The following MCPH1 variants were observed in gnomAD, a reference collection of about 807,000 sequenced individuals.
MCPH1 encodes microcephalin 1, also known as microcephalin.
Under a neutral mutation model 84.5 loss-of-function variants are expected in MCPH1, and 104 were observed. That is an observed-to-expected ratio of 1.23 (90% CI 1.05 to 1.45). The LOEUF (loss-of-function observed/expected upper bound fraction) is 1.45. Ranked by LOEUF, MCPH1 falls within the 40% of genes most tolerant of loss-of-function variation. MCPH1 has a pLI of 0.00. For synonymous variants in MCPH1, 514 were observed against 366.8 expected (o/e 1.40, Z -4.58); for missense variants, 1,498 against 1,005.7 (o/e 1.49, Z -6.62).
chr8:6,555,824 C>G (rs749436691), intron 12 of MCPH1, among the ~76,000 whole-genome samples: 12 of 152,178 alleles, frequency 7.9e-5, no homozygotes, highest in Non-Finnish European at 1.5e-4. Context: ...ACCAATTGCA[C>G]CAATTCTATT....
At chr8:6,489,120 G>C (rs944888548) in intron 11 of MCPH1, among the ~76,000 whole-genome samples, 1 of 152,114 alleles carries the variant, frequency 6.6e-6, no homozygotes, top group Non-Finnish European at 1.5e-5. Flanking sequence ...AGGCATATTA[G>C]GTCTGAGATT....
chr8:6,514,534 A>C, intron 12 of MCPH1: 1 of 713,966 alleles, frequency 1.4e-6, no homozygotes, highest in East Asian at 2.6e-5. Context: ...GCCATTCTTT[A>C]AAGGGGAGAC....
intron 12 of MCPH1, chr8:6,527,802 A>G (rs1051198593): frequency 5.5e-6 from 5 of 912,664 alleles, no homozygotes; most frequent in African/African-American, 5.1e-5. Context: ...TAACCCAAGT[A>G]TCTTATTTTG....
intron 11 of MCPH1, among the ~76,000 whole-genome samples, chr8:6,486,974 C>T (rs17077123): frequency 1.3e-5 from 2 of 152,150 alleles, no homozygotes; most frequent in African/African-American, 4.8e-5. Context: ...TTTGTGGATG[C>T]TAACATACAA....
chr8:6,464,257 G>T (rs1260240104), intron 9 of MCPH1, among the ~76,000 whole-genome samples: 1 of 152,196 alleles, frequency 6.6e-6, no homozygotes, highest in East Asian at 1.9e-4. Context: ...ACCCAGAGCT[G>T]GCAGTGGCGG....
chr8:6,452,040 C>T (rs1463725357), intron 8 of MCPH1, among the ~76,000 whole-genome samples: 1 of 152,174 alleles, frequency 6.6e-6, no homozygotes, highest in Non-Finnish European at 1.5e-5. Flanking sequence ...TCGGCCTTAG[C>T]TCTAGACAAA....
In MCPH1 at chr8:6,442,351, G is replaced by GTT. The variant is rs34324014; in HGVS notation, c.670+202_670+203dup. Among the ~76,000 whole-genome samples the GTT allele has an allele frequency of 2.6e-5, 4 of 151,756 alleles. No individual in the cohort carries two copies. The South Asian group carries it at 6.2e-4, about 24-fold the overall frequency. ...TAAACTTCCTTTTTGGTTCCTATAGGTTTTTTTTCCTAGGCATTTGCTTTC... is the reference window on the plus strand; with the variant it reads ...TAAACTTCCTTTTTGGTTCCTATAGGTTTTTTTTTTCCTAGGCATTTGCTTTC... On this transcript the variant is annotated intron_variant, in intron 7 of 13. Coordinates refer to ENST00000344683, the MANE Select transcript of MCPH1 (RefSeq NM_024596.5).
intron 11 of MCPH1, among the ~76,000 whole-genome samples, chr8:6,497,145 C>G (rs966075984): frequency 6.6e-6 from 1 of 151,940 alleles, no homozygotes; most frequent in African/African-American, 2.4e-5. Flanking sequence ...AGCTATAATC[C>G]TTTTGATCAG....
intron 12 of MCPH1, among the ~76,000 whole-genome samples, chr8:6,522,773 C>CAA (rs199503821): frequency 0.071 from 9,252 of 129,730 alleles, 416 homozygotes; most frequent in African/African-American, 0.11. Context: ...GACATCGTCT[C>CAA]AAAAAAAAAA....
At chr8:6,450,744 TTTGTTG>T (rs1035667279) in intron 8 of MCPH1, among the ~76,000 whole-genome samples, 1 of 151,948 alleles carries the variant, frequency 6.6e-6, no homozygotes, top group African/African-American at 2.4e-5. Flanking sequence ...GTTGGGGTTT[TTTGTTG>T]TTGTTGTTTT....
intron 9 of MCPH1, among the ~76,000 whole-genome samples, chr8:6,461,325 C>CT (rs11419705): frequency 0.91 from 100,488 of 110,814 alleles, 46,468 homozygotes; most frequent in South Asian, 0.98. Flanking sequence ...TTTGTTGAGA[C>CT]TTTTTTTTTT....
At chr8:6,617,933 A>ATCTATCTG (rs1831013266) in intron 12 of MCPH1, among the ~76,000 whole-genome samples, 1 of 151,478 alleles carries the variant, frequency 6.6e-6, no homozygotes, top group Non-Finnish European at 1.5e-5. Context: ...CTATCTATCT[A>ATCTATCTG]TCTATCTATC....
At chr8:6,492,657 A>G (rs1029929854) in intron 11 of MCPH1, among the ~76,000 whole-genome samples, 1 of 147,990 alleles carries the variant, frequency 6.8e-6, no homozygotes, top group Admixed American at 6.8e-5. Context: ...AATATTAAAT[A>G]GTTAATATTA....
chr8:6,567,957 A>G (rs935001786), intron 12 of MCPH1, among the ~76,000 whole-genome samples: 1 of 152,132 alleles, frequency 6.6e-6, no homozygotes, highest in African/African-American at 2.4e-5. Flanking sequence ...TGCATAGTGC[A>G]ATTTATTTCC....
In MCPH1 at chr8:6,499,837, T is replaced by C. The variant is rs1811806203; in HGVS notation, c.2137-15T>C. On this transcript the variant is annotated splice_polypyrimidine_tract_variant and intron_variant, in intron 11 of 13. Coordinates refer to ENST00000344683, the MANE Select transcript of MCPH1 (RefSeq NM_024596.5). ...AATAAATGTATAATAAATCTGCTTG[T>C]TGTGTCACTTGCAGGTGCTATGGTC... The C allele has an allele frequency of 6.2e-7, 1 of 1,611,678 alleles. No individual in the cohort carries two copies. Among genetic ancestry groups the C allele is most frequent in the Non-Finnish European group, 8.5e-7 (1 of 1,178,916 alleles).
intron 12 of MCPH1, among the ~76,000 whole-genome samples, chr8:6,567,994 A>G (rs905039370): frequency 1.3e-5 from 2 of 152,156 alleles, no homozygotes; most frequent in Non-Finnish European, 2.9e-5. Flanking sequence ...TCTCCCCCAT[A>G]TTCTGTGTCG....
At chr8:6,415,609 C>G (rs943579575) in intron 3 of MCPH1, among the ~76,000 whole-genome samples, 1 of 152,152 alleles carries the variant, frequency 6.6e-6, no homozygotes, top group Non-Finnish European at 1.5e-5. Flanking sequence ...CTGCCTCGGC[C>G]TCCCAAAGTG....
chr8:6,437,940 G>C (rs924206250), intron 5 of MCPH1, among the ~76,000 whole-genome samples: 2 of 152,076 alleles, frequency 1.3e-5, no homozygotes, highest in African/African-American at 4.8e-5. Flanking sequence ...CAGTCACAAT[G>C]GTGAAAACTT....
chr8:6,499,359 A>T (rs1210286774), intron 11 of MCPH1, among the ~76,000 whole-genome samples: 1 of 152,150 alleles, frequency 6.6e-6, no homozygotes. Flanking sequence ...CTGGGAAGGA[A>T]TTTCAAGTGT....
Sources: allele counts gnomAD v4.1 joint callset (sites outside exome capture counted in the v4.1 genomes callset), GRCh38; gene constraint gnomAD v4.1.1; transcripts MANE v1.5; gene names NCBI Gene and HGNC (gene_info 2026-07-23, HGNC 2026-07-21).